B3GALT1: variants seen among roughly 807,000 people sequenced by gnomAD.
B3GALT1 encodes the protein beta-1,3-galactosyltransferase 1, also known as UDP-Gal:betaGlcNAc beta 1,3-galactosyltransferase, polypeptide 1.
Under a neutral mutation model 23.2 loss-of-function variants are expected in B3GALT1, and 10 were observed. The observed-to-expected ratio is 0.43, with a 90% confidence interval of 0.27 to 0.73. The LOEUF is 0.73. Ranked by LOEUF, B3GALT1 falls within the 30% of genes least tolerant of loss-of-function variation. The pLI is 0.21. For synonymous variants in B3GALT1, 156 were observed against 141.5 expected (o/e 1.10, Z -0.73); for missense variants, 299 against 405.4 (o/e 0.74, Z 2.25).
chr2:167,573,371 A>G (rs1365580891), intron 2 of B3GALT1, among the ~76,000 whole-genome samples: 4 of 151,800 alleles, frequency 2.6e-5, no homozygotes, highest in Non-Finnish European at 4.4e-5. Context: ...TCTGTTTGAC[A>G]CCAGAGATGA....
intron 3 of B3GALT1, among the ~76,000 whole-genome samples, chr2:167,672,792 C>A (rs772305538): frequency 5.9e-5 from 9 of 152,004 alleles, no homozygotes; most frequent in Non-Finnish European, 1.0e-4. Flanking sequence ...CAGAAATGGT[C>A]ACAAGGTACT....
At chr2:167,462,324 C>T (rs1462955276) in intron 1 of B3GALT1, among the ~76,000 whole-genome samples, 1 of 152,100 alleles carries the variant, frequency 6.6e-6, no homozygotes, top group Admixed American at 6.6e-5. Flanking sequence ...CCAGCTTAAG[C>T]ACGCAATTGG....
intron 3 of B3GALT1, among the ~76,000 whole-genome samples, chr2:167,650,152 C>T (rs73015478): frequency 0.062 from 9,395 of 151,390 alleles, 1,009 homozygotes; most frequent in African/African-American, 0.22. Flanking sequence ...CAAATACTTT[C>T]TCTGCAGCAA....
intron 4 of B3GALT1, among the ~76,000 whole-genome samples, chr2:167,824,034 AG>A (rs1406532670): frequency 3.9e-5 from 6 of 152,256 alleles, no homozygotes; most frequent in African/African-American, 1.4e-4. Flanking sequence ...GGAACACAAC[AG>A]TTTCCTCTGG....
chr2:167,455,493 C>T (rs1699154877), intron 1 of B3GALT1, among the ~76,000 whole-genome samples: 1 of 151,940 alleles, frequency 6.6e-6, no homozygotes, highest in Admixed American at 6.6e-5. Context: ...TTTTTATTTT[C>T]ATTAGTTTTT....
At position 167,771,570 on chromosome 2, in the gene B3GALT1, C is replaced by CA. The variant is rs1472757603; in HGVS notation, c.-351-47095dup. 3.3e-5 allele frequency among the ~76,000 whole-genome samples: 5 copies of CA among 152,132 alleles called. No homozygotes were observed. The South Asian group carries it at 1.0e-3, about 32-fold the overall frequency. On this transcript the variant is annotated intron_variant, in intron 3 of 4. Transcript: ENST00000392690. Reference sequence around the variant, plus strand: ...TGGGTGACAGAGCGAGACTCCGTCTCAAAAAAACAAAAACAAACAAACAAA... The same window carrying CA: ...TGGGTGACAGAGCGAGACTCCGTCTCAAAAAAAACAAAAACAAACAAACAAA...
chr2:167,553,278 TAAC>T (rs777205853), intron 2 of B3GALT1, among the ~76,000 whole-genome samples: 43 of 152,296 alleles, frequency 2.8e-4, no homozygotes. Context: ...GAATAAATAA[TAAC>T]AATGTTTATC....
At chr2:167,579,480 C>T (rs150178664) in intron 2 of B3GALT1, among the ~76,000 whole-genome samples, 6 of 140,666 alleles carry the variant, frequency 4.3e-5, no homozygotes, top group Non-Finnish European at 7.5e-5. Context: ...TCTCCACCCA[C>T]GAACACTTAA....
intron 3 of B3GALT1, among the ~76,000 whole-genome samples, chr2:167,818,129 T>G (rs1689034019): frequency 6.6e-6 from 1 of 152,256 alleles, no homozygotes; most frequent in South Asian, 2.1e-4. Flanking sequence ...ACCCCTCACG[T>G]GGACTTTGGT....
intron 3 of B3GALT1, among the ~76,000 whole-genome samples, chr2:167,801,316 A>G (rs906158555): frequency 6.6e-6 from 1 of 152,234 alleles, no homozygotes; most frequent in African/African-American, 2.4e-5. Flanking sequence ...TTGTAGACAT[A>G]GGAGATGGAA....
intron 3 of B3GALT1, among the ~76,000 whole-genome samples, chr2:167,733,405 T>A (rs1687438569): frequency 6.7e-6 from 1 of 149,496 alleles, no homozygotes; most frequent in African/African-American, 2.5e-5. Context: ...TAAAACATTA[T>A]GAGTTTTATT....
Position 167,869,294 on chromosome 2 carries a change from C to T in B3GALT1, c.255C>T (p.Ser85=). The part of the protein sequence containing the change: ...KNIPFLVILI[S]TTHKEFDARQ... ...TTCCTTTTCTTGTTATCCTCATCAG[C>T]ACCACTCACAAGGAATTTGATGCCC... The change falls in exon 5 of 5, where the codon AGC becomes AGT. Residue 85 remains serine (S), a synonymous_variant. Coordinates refer to ENST00000392690, the MANE Select transcript of B3GALT1 (RefSeq NM_020981.4). The surrounding 1 kb of genome is among the most constrained non-coding windows in gnomAD (Gnocchi z 6.4). The T allele has an allele frequency of 1.2e-6, 2 of 1,614,136 alleles. No homozygotes were observed. Among genetic ancestry groups the T allele is most frequent in the Non-Finnish European group, 1.7e-6 (2 of 1,180,030 alleles).
At chr2:167,464,510 T>C (rs532737746) in intron 1 of B3GALT1, among the ~76,000 whole-genome samples, 3 of 152,334 alleles carry the variant, frequency 2.0e-5, no homozygotes, top group Admixed American at 6.5e-5. Context: ...TGTACAGTGC[T>C]AATAGTGGTC....
At chr2:167,506,624 T>C (rs1308628603) in intron 2 of B3GALT1, among the ~76,000 whole-genome samples, 1 of 152,198 alleles carries the variant, frequency 6.6e-6, no homozygotes, top group Non-Finnish European at 1.5e-5. Flanking sequence ...CTAGTATTTC[T>C]GGGAGGTGAA....
intron 2 of B3GALT1, among the ~76,000 whole-genome samples, chr2:167,630,674 A>C (rs1685425178): frequency 6.6e-6 from 1 of 151,792 alleles, no homozygotes; most frequent in South Asian, 2.1e-4. Context: ...GGAATCATCA[A>C]ATAGGGCAAA....
chr2:167,523,703 G>A (rs1381240065), intron 2 of B3GALT1, among the ~76,000 whole-genome samples: 4 of 152,160 alleles, frequency 2.6e-5, no homozygotes, highest in Non-Finnish European at 4.4e-5. Context: ...GGGATGACAG[G>A]TGTGAGCCAC....
chr2:167,579,570 C>T (rs1466390072), intron 2 of B3GALT1, among the ~76,000 whole-genome samples: 1 of 151,582 alleles, frequency 6.6e-6, no homozygotes, highest in African/African-American at 2.4e-5. Context: ...CTCAATGAGG[C>T]CTGATAACTG....
intron 1 of B3GALT1, among the ~76,000 whole-genome samples, chr2:167,478,487 A>T (rs952007387): frequency 1.3e-5 from 2 of 152,160 alleles, no homozygotes; most frequent in Non-Finnish European, 2.9e-5. Context: ...CTAAGTGAGG[A>T]CACTAAAATC....
At chr2:167,433,151 C>T (rs141175320) in intron 1 of B3GALT1, among the ~76,000 whole-genome samples, 80 of 152,288 alleles carry the variant, frequency 5.3e-4, no homozygotes, top group African/African-American at 1.7e-3. Flanking sequence ...GATAGTTTTC[C>T]CTTTTCCAGG....
Sources: allele counts gnomAD v4.1 joint callset (sites outside exome capture counted in the v4.1 genomes callset), GRCh38; gene constraint gnomAD v4.1.1; non-coding constraint Gnocchi (gnomAD v3.1); transcripts MANE v1.5; gene names NCBI Gene and HGNC (gene_info 2026-07-23, HGNC 2026-07-21).